Variants in MTF2 observed in about 807,000 individuals in gnomAD.
MTF2 encodes metal-response element-binding transcription factor 2.
In MTF2, 11 loss-of-function variants were observed where a neutral mutation model predicts 79.5. That is an observed-to-expected ratio of 0.14 (90% confidence interval 0.09 to 0.23). The LOEUF is 0.23. MTF2 is among the 10% of genes least tolerant of loss of function. The probability of loss-of-function intolerance (pLI) is 1.00; values close to 1 mark genes in which losing one functional copy is unlikely to be tolerated. For missense variants in MTF2, 486 were observed against 711.2 expected (o/e 0.68, Z 3.60); for synonymous variants, 208 against 232.8 (o/e 0.89, Z 0.97).
At chr1:93,091,886 C>T (rs964927904) in intron 1 of MTF2, among the ~76,000 whole-genome samples, 3 of 152,152 alleles carry the variant, frequency 2.0e-5, no homozygotes, top group Middle Eastern at 3.2e-3. Flanking sequence ...TTTCTGTTGT[C>T]TCATGTCAGA....
chr1:93,122,897 T>G (rs1257267369), intron 9 of MTF2, among the ~76,000 whole-genome samples: 1 of 152,122 alleles, frequency 6.6e-6, no homozygotes, highest in Non-Finnish European at 1.5e-5. Flanking sequence ...TCATGTTTAT[T>G]CAGTGTTTTT....
chr1:93,107,574 C>T (rs896338160), intron 1 of MTF2, among the ~76,000 whole-genome samples: 1 of 152,138 alleles, frequency 6.6e-6, no homozygotes, highest in African/African-American at 2.4e-5. Flanking sequence ...GCACTTGTGC[C>T]ATTGTTTGAG....
chr1:93,085,632 G>T (rs541429334), intron 1 of MTF2, among the ~76,000 whole-genome samples: 3 of 152,104 alleles, frequency 2.0e-5, no homozygotes, highest in Admixed American at 2.0e-4. Context: ...GACTACAAGT[G>T]CATGCCACCA....
intron 1 of MTF2, among the ~76,000 whole-genome samples, chr1:93,103,572 A>G (rs1445816989): frequency 6.6e-6 from 1 of 152,042 alleles, no homozygotes. Flanking sequence ...GAATCAGGAG[A>G]TTAACTTTTT....
intron 1 of MTF2, among the ~76,000 whole-genome samples, chr1:93,093,049 G>T (rs1377503130): frequency 6.6e-6 from 1 of 152,030 alleles, no homozygotes; most frequent in Non-Finnish European, 1.5e-5. Context: ...AGGCGTGGTG[G>T]CACATACCTG....
At chr1:93,104,677 C>CAA (rs35746040) in intron 1 of MTF2, among the ~76,000 whole-genome samples, 6 of 96,384 alleles carry the variant, frequency 6.2e-5, no homozygotes, top group African/African-American at 2.3e-4. Flanking sequence ...GACTCCATCT[C>CAA]AAAAAAAAAA....
At chr1:93,089,308 G>A (rs1247997303) in intron 1 of MTF2, among the ~76,000 whole-genome samples, 1 of 152,120 alleles carries the variant, frequency 6.6e-6, no homozygotes, top group African/African-American at 2.4e-5. Flanking sequence ...TGCTTTTATA[G>A]GATAGTGATA....
At position 93,131,279 on chromosome 1, in the gene MTF2, A is replaced by T. The variant is rs943481395; in HGVS notation, c.1160+1831A>T. Among the ~76,000 whole-genome samples, 7 of 152,310 alleles carry T rather than the reference A, an allele frequency of 4.6e-5. No homozygotes were observed. In the East Asian group the frequency reaches 1.2e-3, roughly 25 times the overall value. Reference sequence around the variant, plus strand: ...AAAGAAAGGTAGTGTTTCAAGAGAGATAGGTATATTAAAGTGTATTGAATG... The same window carrying T: ...AAAGAAAGGTAGTGTTTCAAGAGAGTTAGGTATATTAAAGTGTATTGAATG... On this transcript the variant is annotated intron_variant, in intron 11 of 14. Coordinates refer to ENST00000370298, the MANE Select transcript of MTF2 (RefSeq NM_007358.4).
intron 1 of MTF2, among the ~76,000 whole-genome samples, chr1:93,109,696 A>T (rs879072482): frequency 6.6e-6 from 1 of 150,694 alleles, no homozygotes; most frequent in African/African-American, 2.4e-5. Context: ...TTTTTTTTTT[A>T]AACTCTCAGT....
At chr1:93,132,765 A>G (rs938707488) in intron 11 of MTF2, among the ~76,000 whole-genome samples, 5 of 151,608 alleles carry the variant, frequency 3.3e-5, no homozygotes, top group African/African-American at 4.9e-5. Context: ...AGGCTATTGT[A>G]TAGTGTTCTT....
At chr1:93,117,370 TAAAAC>T (rs567863673) in intron 6 of MTF2, among the ~76,000 whole-genome samples, 154 of 152,104 alleles carry the variant, frequency 1.0e-3, no homozygotes, top group African/African-American at 3.3e-3. Flanking sequence ...CCCTGTCTCT[TAAAAC>T]AAACCCAAAA....
chr1:93,134,834 T>TA lies in MTF2; in HGVS notation c.1424+656dup, dbSNP rs11285300. Reference sequence around the variant, plus strand: ...CCACTACAGCTGGCCAAGATTTGATTAAAAAAAAAAAAAAAAATCAGACAC... The same window carrying TA: ...CCACTACAGCTGGCCAAGATTTGATTAAAAAAAAAAAAAAAAAATCAGACAC... On this transcript the variant is annotated intron_variant, in intron 14 of 14. Coordinates refer to ENST00000370298, the MANE Select transcript of MTF2 (RefSeq NM_007358.4). 4.2e-4 allele frequency among the ~76,000 whole-genome samples: 60 copies of TA among 144,058 alleles called. 1 individual carries two copies. The highest frequency in any genetic ancestry group is 2.0e-3 in the East Asian group (10 of 4,974). The allele number at this position is 144,058 out of a possible 152,430, so 94.5% of individuals were successfully genotyped here. A position where few individuals can be genotyped will look rare whatever the true frequency, so the allele number is the denominator to read the frequency against.
intron 14 of MTF2, among the ~76,000 whole-genome samples, chr1:93,135,930 A>G (rs1647370123): frequency 6.6e-6 from 1 of 152,280 alleles, no homozygotes; most frequent in Non-Finnish European, 1.5e-5. Context: ...ATGTTTAGCA[A>G]GTATAACAGA....
chr1:93,092,293 A>G (rs1655105217), intron 1 of MTF2, among the ~76,000 whole-genome samples: 1 of 152,104 alleles, frequency 6.6e-6, no homozygotes, highest in African/African-American at 2.4e-5. Context: ...TTGAAACACT[A>G]CCATAGATGT....
At chr1:93,111,708 T>C (rs1221114279) in intron 3 of MTF2, among the ~76,000 whole-genome samples, 3 of 152,136 alleles carry the variant, frequency 2.0e-5, no homozygotes, top group African/African-American at 7.2e-5. Context: ...ACATTTTGAA[T>C]CTGAAATTGA....
chr1:93,079,607 G>A, intron 1 of MTF2, 76 bp downstream of exon 1: 1 of 1,517,964 alleles, frequency 6.6e-7, no homozygotes, highest in Non-Finnish European at 9.1e-7. Flanking sequence ...AAGGAAGCAA[G>A]TATAAAAGGG....
chr1:93,119,520 AT>A (rs1189424937), intron 8 of MTF2, 119 bp downstream of exon 8: 4 of 679,246 alleles, frequency 5.9e-6, no homozygotes, highest in Non-Finnish European at 9.8e-6. Context: ...GCTTGGCTTT[AT>A]TTCTTTTATT....
At chr1:93,108,353 G>A (rs1374374935) in intron 1 of MTF2, among the ~76,000 whole-genome samples, 1 of 152,092 alleles carries the variant, frequency 6.6e-6, no homozygotes, top group Non-Finnish European at 1.5e-5. Flanking sequence ...AGTATTCATT[G>A]TAAGATGTCT....
chr1:93,088,059 T>C (rs948402478), intron 1 of MTF2, among the ~76,000 whole-genome samples: 6 of 152,198 alleles, frequency 3.9e-5, no homozygotes, highest in African/African-American at 1.4e-4. Flanking sequence ...ATTGGAACTT[T>C]TAAAACTCTA....
Sources: gnomAD v4.1 joint callset for allele counts (sites outside exome capture counted in the v4.1 genomes callset) on GRCh38, gnomAD v4.1.1 for gene constraint, MANE v1.5 for transcripts, NCBI Gene and HGNC (gene_info 2026-07-23, HGNC 2026-07-21) for gene names.